Variants in SLCO1A2 observed in about 807,000 individuals in gnomAD.
The protein encoded by SLCO1A2 is solute carrier organic anion transporter family member 1A2.
Under a neutral mutation model 69.0 loss-of-function variants are expected in SLCO1A2, and 67 were observed. The observed-to-expected ratio is 0.97, with a 90% CI of 0.80 to 1.19. The LOEUF is 1.19. SLCO1A2 is among the 50% of genes most tolerant of loss of function. The pLI is 0.00. For missense variants in SLCO1A2, 787 were observed against 793.7 expected (o/e 0.99, Z 0.10); for synonymous variants, 260 against 265.9 (o/e 0.98, Z 0.22).
At chr12:21,353,294 A>T (rs1018241733) in intron 2 of SLCO1A2, among the ~76,000 whole-genome samples, 3 of 152,150 alleles carry the variant, frequency 2.0e-5, no homozygotes, top group Admixed American at 6.6e-5. Flanking sequence ...TAGTATTTTT[A>T]AAATGTTCCT....
chr12:21,297,633 CT>C (rs1947935338), intron 8 of SLCO1A2, 65 bp from the exon 9 acceptor site: 4 of 1,042,368 alleles, frequency 3.8e-6, no homozygotes, highest in Non-Finnish European at 5.4e-6. Flanking sequence ...CTGGCTTTTC[CT>C]GAAACATCCA....
At chr12:21,371,188 T>C (rs1043194403) in intron 2 of SLCO1A2, among the ~76,000 whole-genome samples, 6 of 152,166 alleles carry the variant, frequency 3.9e-5, no homozygotes, top group Admixed American at 6.6e-5. Flanking sequence ...CAGTAACTCC[T>C]GGGTGTTGTT....
At chr12:21,366,427 G>A (rs962142689) in intron 2 of SLCO1A2, among the ~76,000 whole-genome samples, 1 of 151,920 alleles carries the variant, frequency 6.6e-6, no homozygotes, top group Non-Finnish European at 1.5e-5. Context: ...GATAGCATTA[G>A]GAGATATACC....
intron 2 of SLCO1A2, among the ~76,000 whole-genome samples, chr12:21,361,872 C>A (rs1017111890): frequency 7.9e-5 from 12 of 152,182 alleles, no homozygotes; most frequent in Admixed American, 4.6e-4. Context: ...ATGAACAAAG[C>A]CTCCAAGAAA....
chr12:21,410,197 G>C (rs1273674087), intron 1 of SLCO1A2, among the ~76,000 whole-genome samples: 1 of 152,110 alleles, frequency 6.6e-6, no homozygotes, highest in African/African-American at 2.4e-5. Flanking sequence ...GATCAATCTT[G>C]AGTCCATCAC....
upstream of SLCO1A2, among the ~76,000 whole-genome samples, chr12:21,396,211 A>G (rs1941451591): frequency 6.6e-6 from 1 of 150,486 alleles, no homozygotes; most frequent in Non-Finnish European, 1.5e-5. Context: ...AGGCTCGAGA[A>G]CTACGTGAAG....
intron 2 of SLCO1A2, among the ~76,000 whole-genome samples, chr12:21,366,011 A>C (rs1272098090): frequency 6.6e-6 from 1 of 152,238 alleles, no homozygotes; most frequent in Non-Finnish European, 1.5e-5. Context: ...AGTATCTTGA[A>C]CTAGAAATAC....
At chr12:21,297,141 G>C (rs1947837292) in intron 9 of SLCO1A2, among the ~76,000 whole-genome samples, 1 of 152,052 alleles carries the variant, frequency 6.6e-6, no homozygotes, top group African/African-American at 2.4e-5. Flanking sequence ...TTCACATTCT[G>C]ACTTCAGAGA....
At position 21,269,762 on chromosome 12, in the gene SLCO1A2, A is replaced by T; in HGVS notation, c.1799T>A (p.Ile600Asn). 6.2e-7 allele frequency: 1 copy of T among 1,605,190 alleles called. No homozygotes were observed. Among genetic ancestry groups the T allele is most frequent in the Non-Finnish European group, 8.5e-7 (1 of 1,175,748 alleles). Residue 600 changes from isoleucine to asparagine, a missense_variant, in exon 15 of 15, where the codon ATC (isoleucine) becomes AAC (asparagine). By Grantham distance (149) the Ile-to-Asn change is moderately radical. Coordinates refer to ENST00000683939, the MANE Select transcript of SLCO1A2 (RefSeq NM_001386879.1). Reference sequence around the variant, plus strand: ...TAGTGCTGCCGGCAATCCGAGGTAGATGTATCTATTTTTTTAAAAGTTAAA... The same window carrying T: ...TAGTGCTGCCGGCAATCCGAGGTAGTTGTATCTATTTTTTTAAAAGTTAAA... Reference protein sequence around the residue: ...RIYDSTTFRYIYLGLPAALRG... With the variant: ...RIYDSTTFRYNYLGLPAALRG...
chr12:21,386,254 C>T (rs949173809), intron 1 of SLCO1A2, among the ~76,000 whole-genome samples: 3 of 152,014 alleles, frequency 2.0e-5, no homozygotes, highest in Non-Finnish European at 2.9e-5. Context: ...CTTATTTTTG[C>T]TTCAGTTTTC....
At chr12:21,413,952 G>C (rs1305325659) in intron 1 of SLCO1A2, among the ~76,000 whole-genome samples, 1 of 152,116 alleles carries the variant, frequency 6.6e-6, no homozygotes. Flanking sequence ...AGCTTCACTG[G>C]ACTTAGCAAG....
chr12:21,321,497 G>A (rs1227608164), intron 2 of SLCO1A2, among the ~76,000 whole-genome samples: 3 of 152,112 alleles, frequency 2.0e-5, no homozygotes. Context: ...TACATAGTTA[G>A]CAAATTTTAC....
At chr12:21,334,754 T>TA in intron 1 of SLCO1A2, 45 bp from the exon 2 acceptor site, 1 of 843,366 alleles carries the variant, frequency 1.2e-6, no homozygotes, top group Non-Finnish European at 1.8e-6. Context: ...TACAAAATTG[T>TA]AAAGCATCAT....
intron 2 of SLCO1A2, among the ~76,000 whole-genome samples, chr12:21,332,505 G>A (rs1209443374): frequency 6.6e-6 from 1 of 152,074 alleles, no homozygotes; most frequent in African/African-American, 2.4e-5. Flanking sequence ...TTCCAAAAGA[G>A]AGGAGGGTAT....
chr12:21,342,201 G>A (rs1328466167), intron 2 of SLCO1A2, among the ~76,000 whole-genome samples: 1 of 151,978 alleles, frequency 6.6e-6, no homozygotes, highest in African/African-American at 2.4e-5. Flanking sequence ...TTTCTCTCAA[G>A]ATTGCCTTCA....
chr12:21,269,817 T>C, intron 14 of SLCO1A2, 50 bp from the exon 15 acceptor site: 1 of 1,399,626 alleles, frequency 7.1e-7, no homozygotes, highest in Non-Finnish European at 9.7e-7. Flanking sequence ...GTGTGGTTAG[T>C]GCAAACTAAA....
intron 2 of SLCO1A2, among the ~76,000 whole-genome samples, chr12:21,330,686 C>G (rs552587742): frequency 1.6e-4 from 24 of 152,162 alleles, no homozygotes; most frequent in Non-Finnish European, 2.8e-4. Flanking sequence ...ATTTTAAAGT[C>G]CTTGCATTAA....
chr12:21,373,102 G>C, intron 2 of SLCO1A2: 1 of 515,650 alleles, frequency 1.9e-6, no homozygotes, highest in Non-Finnish European at 3.4e-6. Flanking sequence ...GCTAAAGGGA[G>C]AATGTATTAC....
At chr12:21,322,571 G>T (rs1283053208) in intron 2 of SLCO1A2, among the ~76,000 whole-genome samples, 1 of 152,168 alleles carries the variant, frequency 6.6e-6, no homozygotes, top group Non-Finnish European at 1.5e-5. Context: ...TAATATCTGG[G>T]TTATAATAAG....
Sources: gnomAD v4.1 joint callset for allele counts (sites outside exome capture counted in the v4.1 genomes callset) on GRCh38, gnomAD v4.1.1 for gene constraint, MANE v1.5 for transcripts, NCBI Gene and HGNC (gene_info 2026-07-23, HGNC 2026-07-21) for gene names.